The following JAKMIP1 variants were observed in gnomAD, a reference collection of about 807,000 sequenced individuals.
The protein encoded by JAKMIP1 is janus kinase and microtubule interacting protein 1.
In JAKMIP1, 33 loss-of-function variants were observed where a neutral mutation model predicts 113.0. That is an observed-to-expected ratio of 0.29 (90% CI 0.22 to 0.39). The LOEUF is 0.39. Among genes scored for constraint, JAKMIP1 ranks in the 10% least tolerant of loss-of-function variants. JAKMIP1 has a pLI of 1.00. For missense variants in JAKMIP1, 813 were observed against 1,080.5 expected, an observed-to-expected ratio of 0.75 and a Z score of 3.47; for synonymous variants, 480 against 459.9, an observed-to-expected ratio of 1.04 and a Z score of -0.56.
rs575414301 is a variant in JAKMIP1, at chr4:6,095,993, C to T, written c.624+9480G>A. Among the ~76,000 whole-genome samples the T allele has an allele frequency of 1.3e-4, 20 of 152,186 alleles. No individual in the cohort carries two copies. The South Asian group carries it at 2.1e-3, about 16-fold the overall frequency. On this transcript the variant is annotated intron_variant, in intron 3 of 20. Transcript: ENST00000409021. ...ATATAACTGAGTGACTCGGGGCTGG[C>T]CTAGATGATGCTCAGGCAGGCCTCC... is the stretch of plus-strand genomic sequence containing the variant.
chr4:6,029,637 G>T, intron 20 of JAKMIP1, 79 bp downstream of exon 20: 1 of 934,234 alleles, frequency 1.1e-6, no homozygotes, highest in South Asian at 1.4e-5. Context: ...CTATGCTTTG[G>T]ACCTTATGAA....
rs368048925 is a variant in JAKMIP1, at chr4:6,081,546, G to T, written c.1101+63C>A. The T allele has an allele frequency of 3.1e-6, 5 of 1,593,584 alleles. 1 individual carries two copies. In the South Asian group the frequency reaches 5.7e-5, roughly 18 times the overall value. ...AGAACATGTGAATCGGGAGGTTCAG[G>T]GCTGAAGAATCCCAGACAGAGAAGG... On this transcript the variant is annotated intron_variant, in intron 6 of 20. Transcript: ENST00000409021. This position sits in a 1 kb window ranked among gnomAD's most constrained non-coding sequence, Gnocchi z 4.6.
chr4:6,043,143 C>T (rs1469931354), intron 16 of JAKMIP1, among the ~76,000 whole-genome samples: 1 of 152,014 alleles, frequency 6.6e-6, no homozygotes, highest in African/African-American at 2.4e-5. Context: ...CTCCTCATTG[C>T]TAAGGCTGTC....
In JAKMIP1 at chr4:6,094,927, T is replaced by C. The variant is rs1362286291; in HGVS notation, c.625-9298A>G. 6.6e-6 allele frequency among the ~76,000 whole-genome samples: 1 copy of C among 151,750 alleles called. No individual in the cohort carries two copies. Among genetic ancestry groups the C allele is most frequent in the African/African-American group, 2.4e-5 (1 of 41,256 alleles). ...TGAGCCTGGAAGGTAGAGGCTGCAG[T>C]GAGCTGTGATTGCACCACTGCACTC... is the stretch of plus-strand genomic sequence containing the variant. On this transcript the variant is annotated intron_variant, in intron 3 of 20. Coordinates refer to ENST00000409021, the MANE Select transcript of JAKMIP1 (RefSeq NM_001099433.2). This position sits in a 1 kb window ranked among gnomAD's most constrained non-coding sequence, Gnocchi z 4.2.
At chr4:6,160,497 C>A (rs1327094496) in intron 1 of JAKMIP1, among the ~76,000 whole-genome samples, 2 of 152,048 alleles carry the variant, frequency 1.3e-5, no homozygotes, top group Admixed American at 6.5e-5. Context: ...CACCCTCGAG[C>A]CCTCGCTTCC....
chr4:6,076,610 GC>G lies in JAKMIP1; in HGVS notation c.1302+2328del, dbSNP rs1719729866. On this transcript the variant is annotated intron_variant, in intron 8 of 20. Transcript: ENST00000409021. The surrounding 1 kb of genome is among the most constrained non-coding windows in gnomAD (Gnocchi z 4.8). ...CAGGAGGCAGCCTGGGAGCCAAATT[GC>G]ACCCATAGATATATTTTATGTGGCC... is the stretch of plus-strand genomic sequence containing the variant. Among the ~76,000 whole-genome samples the G allele has an allele frequency of 6.6e-6, 1 of 152,068 alleles. No individual in the cohort carries two copies. Among genetic ancestry groups the G allele is most frequent in the Non-Finnish European group, 1.5e-5 (1 of 68,008 alleles).
intron 1 of JAKMIP1, among the ~76,000 whole-genome samples, chr4:6,177,854 G>C (rs955989100): frequency 6.6e-6 from 1 of 152,170 alleles, no homozygotes; most frequent in Non-Finnish European, 1.5e-5. Context: ...CACGCTGCAG[G>C]CTGTCCCTCT....
Position 6,106,750 on chromosome 4 carries a change from T to C in JAKMIP1, c.130-783A>G, listed in dbSNP as rs1482166731. ...CAAGGGAGTGTGTTCTTAAAACACT[T>C]CAAAATGCTTTCTTTAACCTTTTTG... On this transcript the variant is annotated intron_variant, in intron 2 of 20. Coordinates refer to ENST00000409021, the MANE Select transcript of JAKMIP1 (RefSeq NM_001099433.2). The surrounding 1 kb of genome is among the most constrained non-coding windows in gnomAD (Gnocchi z 5.9). Among the ~76,000 whole-genome samples the C allele has an allele frequency of 6.6e-6, 1 of 152,196 alleles. No individual in the cohort carries two copies. Among genetic ancestry groups the C allele is most frequent in the African/African-American group, 2.4e-5 (1 of 41,454 alleles).
In JAKMIP1 at chr4:6,035,468, C is replaced by T. The variant is rs903711160; in HGVS notation, c.2379+436G>A. On this transcript the variant is annotated intron_variant, in intron 19 of 20. Transcript: ENST00000409021. The stretch of plus-strand genomic sequence containing the variant: ...TGCTCAGTAGCACATGAAACTCACA[C>T]GCAACATCGAACCTTGGAAGACATT... Among the ~76,000 whole-genome samples, 8 of 152,260 alleles carry T rather than the reference C, an allele frequency of 5.3e-5. No individual in the cohort carries two copies. In the East Asian group the frequency reaches 7.7e-4, roughly 15 times the overall value.
rs951036608 is a variant in JAKMIP1 at position 6,168,811 on chromosome 4, A to C, written c.-148+31442T>G. Among the ~76,000 whole-genome samples, 1 of 151,912 alleles carries C rather than the reference A, an allele frequency of 6.6e-6. No individual in the cohort carries two copies. The highest frequency in any genetic ancestry group is 1.5e-5 in the Non-Finnish European group (1 of 67,974). On this transcript the variant is annotated intron_variant, in intron 1 of 20. Transcript: ENST00000409021. This position sits in a 1 kb window ranked among gnomAD's most constrained non-coding sequence, Gnocchi z 4.6. Reference sequence around the variant, plus strand: ...GCTACTTGGGAGGCTGATGTGGGAGAATCACTTGAGCCTGGGGAGGCTGAG... The same window carrying C: ...GCTACTTGGGAGGCTGATGTGGGAGCATCACTTGAGCCTGGGGAGGCTGAG...
At chr4:6,066,948 G>T (rs139822462) in intron 8 of JAKMIP1, among the ~76,000 whole-genome samples, 1 of 152,136 alleles carries the variant, frequency 6.6e-6, no homozygotes, top group African/African-American at 2.4e-5. Flanking sequence ...GCTCCGAGAC[G>T]CTCTTCCCCA....
intron 20 of JAKMIP1, among the ~76,000 whole-genome samples, chr4:6,026,853 G>A (rs1012650173): frequency 7.5e-6 from 1 of 133,462 alleles, no homozygotes; most frequent in Admixed American, 8.0e-5. Flanking sequence ...AAAACATTAT[G>A]GAATTTCTTT....
chr4:6,096,611 T>A (rs1029320635), intron 3 of JAKMIP1, among the ~76,000 whole-genome samples: 2 of 152,138 alleles, frequency 1.3e-5, no homozygotes, highest in African/African-American at 4.8e-5. Flanking sequence ...CAGAATTGAG[T>A]TTTGAAAGAG....
In JAKMIP1 at chr4:6,088,350, C is replaced by T. The variant is rs1248805024; in HGVS notation, c.625-2721G>A. Among the ~76,000 whole-genome samples the T allele has an allele frequency of 3.3e-5, 5 of 152,166 alleles. No individual in the cohort carries two copies. The highest frequency in any genetic ancestry group is 7.3e-5 in the Non-Finnish European group (5 of 68,034). On this transcript the variant is annotated intron_variant, in intron 3 of 20. Coordinates refer to ENST00000409021, the MANE Select transcript of JAKMIP1 (RefSeq NM_001099433.2). This position sits in a 1 kb window ranked among gnomAD's most constrained non-coding sequence, Gnocchi z 5.5. ...GGGTGTTGCAAACCAACAGTTTGTC[C>T]ATCACGGGTAAGGGAGGGTTCTTGT...
intron 1 of JAKMIP1, among the ~76,000 whole-genome samples, chr4:6,118,113 T>C (rs1716110695): frequency 6.6e-6 from 1 of 152,232 alleles, no homozygotes. Flanking sequence ...TAAGTGTCCA[T>C]GAAATCTTTA....
chr4:6,117,650 A>C (rs2108901035), intron 1 of JAKMIP1, among the ~76,000 whole-genome samples: 1 of 152,054 alleles, frequency 6.6e-6, no homozygotes, highest in Non-Finnish European at 1.5e-5. Flanking sequence ...CCTCTTCCTA[A>C]TAAGCCTGGG....
intron 1 of JAKMIP1, among the ~76,000 whole-genome samples, chr4:6,190,720 C>A (rs533415423): frequency 6.6e-6 from 1 of 152,192 alleles, no homozygotes; most frequent in African/African-American, 2.4e-5. Flanking sequence ...GACAAAGTTG[C>A]CCCCCGGCAT....
At chr4:6,114,839 T>C (rs982426910) in intron 1 of JAKMIP1, among the ~76,000 whole-genome samples, 2 of 152,232 alleles carry the variant, frequency 1.3e-5, no homozygotes, top group African/African-American at 4.8e-5. Context: ...CCTTCGAGTC[T>C]GAAGTGCACC....
In JAKMIP1 at chr4:6,085,016, G is replaced by A. The variant is rs750863861; in HGVS notation, c.835-51C>T. On this transcript the variant is annotated intron_variant, in intron 4 of 20. Coordinates refer to ENST00000409021, the MANE Select transcript of JAKMIP1 (RefSeq NM_001099433.2). ...AAAAGTCAAGACGTAAATGTACTTTGAAGAAGTTGTGTGGAGCCTTCTTAG... is the reference window on the plus strand; with the variant it reads ...AAAAGTCAAGACGTAAATGTACTTTAAAGAAGTTGTGTGGAGCCTTCTTAG... 18 of 1,394,132 alleles carry A rather than the reference G, an allele frequency of 1.3e-5. No homozygotes were observed. In the South Asian group the frequency reaches 2.2e-4, roughly 17 times the overall value. 86.4% of individuals were successfully genotyped at this position (1,394,132 alleles called of 1,614,324 possible).
Sources: gnomAD v4.1 joint callset for allele counts (sites outside exome capture counted in the v4.1 genomes callset) on GRCh38, gnomAD v4.1.1 for gene constraint, Gnocchi (gnomAD v3.1) non-coding constraint, MANE v1.5 for transcripts, NCBI Gene and HGNC (gene_info 2026-07-23, HGNC 2026-07-21) for gene names.